The following EPB41L4A variants were observed in gnomAD, a reference collection of about 807,000 sequenced individuals.
EPB41L4A encodes band 4.1-like protein 4A.
EPB41L4A carries 100 observed loss-of-function variants against 108.6 expected under a neutral mutation model. The observed-to-expected ratio is 0.92, with a 90% CI of 0.78 to 1.09. EPB41L4A has a LOEUF of 1.09. EPB41L4A is among the 50% of genes least tolerant of loss of function. The pLI is 0.00. For synonymous variants in EPB41L4A, 319 were observed against 289.0 expected (o/e 1.10, Z -1.05); for missense variants, 1,030 against 842.7 (o/e 1.22, Z -2.75).
intron 1 of EPB41L4A, among the ~76,000 whole-genome samples, chr5:112,314,972 T>A (rs950618932): frequency 6.6e-6 from 1 of 152,184 alleles, no homozygotes; most frequent in African/African-American, 2.4e-5. Flanking sequence ...TTGTCTTCGA[T>A]AATAATGGAC....
intron 12 of EPB41L4A, among the ~76,000 whole-genome samples, chr5:112,233,952 C>G (rs1749141599): frequency 6.6e-6 from 1 of 151,910 alleles, no homozygotes; most frequent in African/African-American, 2.4e-5. Flanking sequence ...CTTCAGCCTC[C>G]CAAAGCACTG....
chr5:112,311,601 A>G (rs577014355), intron 1 of EPB41L4A, among the ~76,000 whole-genome samples: 42 of 152,202 alleles, frequency 2.8e-4, no homozygotes, highest in African/African-American at 8.4e-4. Context: ...TACACCTCCA[A>G]TTGTTTCCCA....
chr5:112,352,202 T>C (rs1022992166), intron 1 of EPB41L4A, among the ~76,000 whole-genome samples: 1 of 152,260 alleles, frequency 6.6e-6, no homozygotes, highest in African/African-American at 2.4e-5. Flanking sequence ...TCTAGTTCCT[T>C]GAAATACATC....
At chr5:112,282,792 A>T (rs1753052624) in intron 2 of EPB41L4A, among the ~76,000 whole-genome samples, 1 of 152,218 alleles carries the variant, frequency 6.6e-6, no homozygotes, top group South Asian at 2.1e-4. Context: ...CTGTCTGTCT[A>T]ATCTTGTTCT....
rs775650804 is a variant in EPB41L4A at position 112,419,052 on chromosome 5, C to G, written c.-13G>C. The G allele has an allele frequency of 4.4e-6, 7 of 1,607,040 alleles. No homozygotes were observed. The highest frequency in any genetic ancestry group is 1.1e-5 in the South Asian group (1 of 90,658). On this transcript the variant is annotated 5_prime_UTR_variant, in exon 1 of 23. Transcript: ENST00000261486. ...AGAAACAGCCCATGTCGGTTGTGGT[C>G]GTCTCCAGCCAGGAGAGAAAGCTAC...
chr5:112,161,300 G>T (rs1759885273), downstream of EPB41L4A: 1 of 352,380 alleles, frequency 2.8e-6, no homozygotes, highest in Non-Finnish European at 5.6e-6. Context: ...CTACAGGTGA[G>T]TTTTCACGTT....
At chr5:112,195,770 C>G (rs903880874) in intron 15 of EPB41L4A, 62 bp from the exon 16 acceptor site, 1 of 1,433,680 alleles carries the variant, frequency 7.0e-7, no homozygotes. Context: ...AAGGAAAGCA[C>G]ACCAAAATGA....
At chr5:112,153,201 A>G (rs1170980009) in intron 12 of EPB41L4A, among the ~76,000 whole-genome samples, 1 of 151,196 alleles carries the variant, frequency 6.6e-6, no homozygotes, top group Non-Finnish European at 1.5e-5. Flanking sequence ...CCTGAGTGAA[A>G]GAATAAGATC....
intron 18 of EPB41L4A, among the ~76,000 whole-genome samples, chr5:112,173,922 G>A (rs1239131870): frequency 2.0e-5 from 3 of 152,138 alleles, no homozygotes; most frequent in African/African-American, 4.8e-5. Context: ...GATTGCAGGC[G>A]TGAGCCACTG....
At chr5:112,165,343 T>C (rs1470700586) in intron 22 of EPB41L4A, among the ~76,000 whole-genome samples, 2 of 152,238 alleles carry the variant, frequency 1.3e-5, no homozygotes, top group Admixed American at 6.5e-5. Flanking sequence ...TTTACATGCA[T>C]AACGATTTTA....
intron 1 of EPB41L4A, among the ~76,000 whole-genome samples, chr5:112,347,051 A>G (rs1757725553): frequency 1.3e-5 from 2 of 151,708 alleles, no homozygotes; most frequent in African/African-American, 4.9e-5. Context: ...CTGAACCACA[A>G]CAGTGCTCAG....
At position 112,415,775 on chromosome 5, in the gene EPB41L4A, T is replaced by C. The variant is rs147281820; in HGVS notation, c.99+3166A>G. The stretch of plus-strand genomic sequence containing the variant: ...GCAAAAGACAAACAGCTAAAAGCTA[T>C]TGTAGGGCTCAACACACAACCAATA... On this transcript the variant is annotated intron_variant, in intron 1 of 22. Coordinates refer to ENST00000261486, the MANE Select transcript of EPB41L4A (RefSeq NM_022140.5). Among the ~76,000 whole-genome samples, 318 of 152,284 alleles carry C rather than the reference T, an allele frequency of 2.1e-3. 1 individual carries two copies. The highest frequency in any genetic ancestry group is 7.2e-3 in the African/African-American group (301 of 41,576).
intron 2 of EPB41L4A, among the ~76,000 whole-genome samples, chr5:112,285,697 CT>C (rs1373518751): frequency 6.6e-6 from 1 of 152,176 alleles, no homozygotes; most frequent in Non-Finnish European, 1.5e-5. Flanking sequence ...CATGTGGCTT[CT>C]CATAAAGTGT....
intron 1 of EPB41L4A, among the ~76,000 whole-genome samples, chr5:112,378,120 T>C (rs1025098718): frequency 3.3e-5 from 5 of 152,164 alleles, no homozygotes; most frequent in Non-Finnish European, 7.4e-5. Context: ...TATTTCAACA[T>C]AAAAAGATGA....
chr5:112,272,121 C>T (rs1752299335), intron 4 of EPB41L4A, among the ~76,000 whole-genome samples: 1 of 145,484 alleles, frequency 6.9e-6, no homozygotes, highest in Non-Finnish European at 1.5e-5. Context: ...CGAGAAGTTC[C>T]CTGTAGCATT....
At chr5:112,373,290 A>G (rs940534476) in intron 1 of EPB41L4A, among the ~76,000 whole-genome samples, 1 of 152,194 alleles carries the variant, frequency 6.6e-6, no homozygotes, top group African/African-American at 2.4e-5. Context: ...GGAAGTTGCT[A>G]CAATGTTCCC....
Position 112,168,915 on chromosome 5 carries a change from C to T in EPB41L4A, c.1850+80G>A. 2.0e-6 allele frequency: 3 copies of T among 1,489,936 alleles called. No homozygotes were observed. The South Asian group carries it at 3.4e-5, about 17-fold the overall frequency. The allele number at this position is 1,489,936 out of a possible 1,614,324, so 92.3% of individuals were successfully genotyped here. On this transcript the variant is annotated intron_variant, in intron 21 of 22. Transcript: ENST00000261486. ...ACTACAGTGTAGATATAAAACATTT[C>T]CATCAGCAAGTAAAGTTCTTTTAGA...
chr5:112,142,201 A>G (rs892931339), downstream of EPB41L4A, among the ~76,000 whole-genome samples: 3 of 151,030 alleles, frequency 2.0e-5, no homozygotes, highest in Non-Finnish European at 4.4e-5. Context: ...ACTTACCACT[A>G]CTCCTCTCCT....
intron 9 of EPB41L4A, among the ~76,000 whole-genome samples, chr5:112,258,425 CAA>C (rs565523598): frequency 7.6e-4 from 116 of 152,304 alleles, no homozygotes; most frequent in African/African-American, 2.7e-3. Flanking sequence ...TTGTTCTGCA[CAA>C]AGTTAGTATC....
Sources: allele counts gnomAD v4.1 joint callset (sites outside exome capture counted in the v4.1 genomes callset), GRCh38; gene constraint gnomAD v4.1.1; transcripts MANE v1.5; gene names NCBI Gene and HGNC (gene_info 2026-07-23, HGNC 2026-07-21).